Variants in TMC1 observed in about 807,000 individuals in gnomAD.
TMC1 encodes transmembrane channel like 1, also known as transmembrane channel-like protein 1.
Under a neutral mutation model 105.8 loss-of-function variants are expected in TMC1, and 84 were observed. The observed-to-expected ratio is 0.79, with a 90% CI of 0.67 to 0.95. TMC1 has a LOEUF of 0.95. Among genes scored for constraint, TMC1 ranks in the 40% least tolerant of loss-of-function variants. The pLI is 0.00. For synonymous variants in TMC1, 315 were observed against 311.5 expected (o/e 1.01, Z -0.12); for missense variants, 817 against 914.1 (o/e 0.89, Z 1.37).
At chr9:72,647,839 C>A (rs2132149343) in intron 4 of TMC1, among the ~76,000 whole-genome samples, 1 of 148,734 alleles carries the variant, frequency 6.7e-6, no homozygotes, top group South Asian at 2.1e-4. Flanking sequence ...ACTCAAGTAA[C>A]CAGAGAATGC....
At chr9:72,707,980 C>G (rs951388357) in intron 8 of TMC1, among the ~76,000 whole-genome samples, 10 of 152,126 alleles carry the variant, frequency 6.6e-5, no homozygotes, top group African/African-American at 2.2e-4. Context: ...CTGCATGTGG[C>G]TAGCCAATTA....
chr9:72,664,743 A>G (rs996137999), intron 5 of TMC1, among the ~76,000 whole-genome samples: 33 of 152,012 alleles, frequency 2.2e-4, no homozygotes, highest in African/African-American at 7.3e-4. Flanking sequence ...CACCTCCATC[A>G]CCCAGTAAAA....
chr9:72,693,035 G>C (rs186088656), intron 6 of TMC1, among the ~76,000 whole-genome samples: 1 of 150,946 alleles, frequency 6.6e-6, no homozygotes, highest in South Asian at 2.1e-4. Flanking sequence ...CAAGAGAATC[G>C]TTTGAACTCT....
chr9:72,696,735 A>G (rs550477394), intron 7 of TMC1, among the ~76,000 whole-genome samples: 1 of 152,180 alleles, frequency 6.6e-6, no homozygotes, highest in Non-Finnish European at 1.5e-5. Flanking sequence ...CAGTAATATT[A>G]CAGGCTTTTC....
chr9:72,793,997 T>C (rs1828321376), intron 17 of TMC1, among the ~76,000 whole-genome samples: 1 of 152,072 alleles, frequency 6.6e-6, no homozygotes, highest in African/African-American at 2.4e-5. Flanking sequence ...ACAAAGACCC[T>C]AAGCGCCTCA....
chr9:72,553,046 T>C (rs540185991), intron 1 of TMC1, among the ~76,000 whole-genome samples: 1 of 152,174 alleles, frequency 6.6e-6, no homozygotes, highest in South Asian at 2.1e-4. Context: ...TGATCTCGGG[T>C]CACAGCAACC....
intron 6 of TMC1, among the ~76,000 whole-genome samples, chr9:72,694,166 A>G (rs1419145892): frequency 6.6e-6 from 1 of 152,138 alleles, no homozygotes; most frequent in Non-Finnish European, 1.5e-5. Flanking sequence ...TCACTCAACA[A>G]TTATGTAATG....
chr9:72,538,756 A>T (rs1055558445), intron 1 of TMC1, among the ~76,000 whole-genome samples: 27 of 152,218 alleles, frequency 1.8e-4, no homozygotes, highest in African/African-American at 6.3e-4. Flanking sequence ...ACAATAAAAT[A>T]CTTTTATTTC....
rs1184175535 is a variant in TMC1, at chr9:72,632,808, C to T, written c.-53+4745C>T. 3.9e-5 allele frequency among the ~76,000 whole-genome samples: 6 copies of T among 151,904 alleles called. 1 individual carries two copies. The East Asian group carries it at 7.7e-4, about 20-fold the overall frequency. On this transcript the variant is annotated intron_variant, in intron 4 of 23. Coordinates refer to ENST00000297784, the MANE Select transcript of TMC1 (RefSeq NM_138691.3). ...TACTCAGGCAGTAGTAAAAAGTTTG[C>T]GAATAAAGAAACCAAAATTAAACTC...
At position 72,661,942 on chromosome 9, in the gene TMC1, G is replaced by A. The variant is rs150131165; in HGVS notation, c.16+13278G>A. On this transcript the variant is annotated intron_variant, in intron 5 of 23. Coordinates refer to ENST00000297784, the MANE Select transcript of TMC1 (RefSeq NM_138691.3). ...CCAGATTATGATGCAAGCGTTGCTT[G>A]GAGAGCCCTTGATCAAGAGCAAAAC... Among the ~76,000 whole-genome samples the A allele has an allele frequency of 1.3e-3, 204 of 152,280 alleles. 1 individual carries two copies. Among genetic ancestry groups the A allele is most frequent in the African/African-American group, 4.7e-3 (195 of 41,568 alleles).
At chr9:72,807,246 A>G (rs1272817293) in intron 18 of TMC1, among the ~76,000 whole-genome samples, 1 of 152,152 alleles carries the variant, frequency 6.6e-6, no homozygotes, top group South Asian at 2.1e-4. Flanking sequence ...GACCGTGGAA[A>G]GAGAGGGAGA....
At chr9:72,551,854 G>A (rs1374025348) in intron 1 of TMC1, among the ~76,000 whole-genome samples, 3 of 152,160 alleles carry the variant, frequency 2.0e-5, no homozygotes, top group Non-Finnish European at 4.4e-5. Flanking sequence ...AAAAGACCGT[G>A]TGATGATGGC....
intron 8 of TMC1, among the ~76,000 whole-genome samples, chr9:72,733,716 A>G (rs1409742212): frequency 6.6e-6 from 1 of 152,180 alleles, no homozygotes; most frequent in East Asian, 1.9e-4. Context: ...CTAACCACTT[A>G]TCACACACTG....
chr9:72,665,738 GT>G (rs1412098926), intron 5 of TMC1, among the ~76,000 whole-genome samples: 1 of 152,204 alleles, frequency 6.6e-6, no homozygotes, highest in Non-Finnish European at 1.5e-5. Context: ...CCTTCAGTTA[GT>G]TTGCTTTATT....
At chr9:72,630,878 T>TTC (rs1368733305) in intron 4 of TMC1, among the ~76,000 whole-genome samples, 3 of 151,744 alleles carry the variant, frequency 2.0e-5, no homozygotes, top group African/African-American at 7.3e-5. Context: ...TTTTTTTTTT[T>TTC]TTCAATTTGA....
intron 1 of TMC1, among the ~76,000 whole-genome samples, chr9:72,575,171 CA>C (rs1361490334): frequency 1.3e-5 from 2 of 152,104 alleles, no homozygotes; most frequent in African/African-American, 4.8e-5. Flanking sequence ...TCCACAACAG[CA>C]AATTAGGTTT....
rs572854741 is a variant in TMC1, at chr9:72,694,609, G to A, written c.131G>A (p.Arg44Gln). 2.2e-5 allele frequency: 35 copies of A among 1,613,040 alleles called. No homozygotes were observed. The highest frequency in any genetic ancestry group is 3.3e-4 in the Middle Eastern group (2 of 6,060). Residue 44 changes from arginine (R) to glutamine (Q), a missense_variant, in exon 7 of 24, where the codon CGG (arginine) becomes CAG (glutamine). Arg to Gln is a conservative substitution (Grantham distance 43). Transcript: ENST00000297784. Reference protein sequence around the residue: ...RRESLRPKRKRTRDVINEDDP... With the variant: ...RRESLRPKRKQTRDVINEDDP... Reference sequence around the variant, plus strand: ...GAGAGCTTGAGACCAAAGAGGAAACGGACCAGAGATGTTATCAATGAGGAT... The same window carrying A: ...GAGAGCTTGAGACCAAAGAGGAAACAGACCAGAGATGTTATCAATGAGGAT...
chr9:72,720,888 AT>A (rs1564513212), intron 8 of TMC1, among the ~76,000 whole-genome samples: 1 of 152,200 alleles, frequency 6.6e-6, no homozygotes, highest in East Asian at 1.9e-4. Context: ...TTTACCTGCT[AT>A]CTGTAGTGAA....
At chr9:72,688,895 A>G (rs373792739) in intron 6 of TMC1, 139 bp downstream of exon 6, 5 of 772,126 alleles carry the variant, frequency 6.5e-6, no homozygotes. Flanking sequence ...CACAGGAGGA[A>G]TCAAGTTCAG....
Sources: gnomAD v4.1 joint callset for allele counts (sites outside exome capture counted in the v4.1 genomes callset) on GRCh38, gnomAD v4.1.1 for gene constraint, MANE v1.5 for transcripts, NCBI Gene and HGNC (gene_info 2026-07-23, HGNC 2026-07-21) for gene names.